The following TPPP variants were observed in gnomAD, a reference collection of about 807,000 sequenced individuals.
TPPP encodes the protein tubulin polymerization promoting protein.
In TPPP, 6 loss-of-function variants were observed where a neutral mutation model predicts 15.5. That is an observed-to-expected ratio of 0.39 (90% CI 0.21 to 0.77). The LOEUF is 0.77. TPPP is among the 30% of genes least tolerant of loss of function. The pLI, the probability that TPPP is intolerant of heterozygous loss-of-function variation, is 0.42. For missense variants in TPPP, 269 were observed against 307.2 expected (o/e 0.88, Z 0.93); for synonymous variants, 146 against 133.9 (o/e 1.09, Z -0.63).
chr5:675,056 G>A, intron 2 of TPPP, among the ~76,000 whole-genome samples: 1 of 97,626 alleles, frequency 1.0e-5, no homozygotes, highest in Non-Finnish European at 2.2e-5. Flanking sequence ...TATGGCTGGG[G>A]GTGCAGTGTG....
At chr5:699,614 C>A in the TPPP span, among the ~76,000 whole-genome samples, 1 of 151,964 alleles carries the variant, frequency 6.6e-6, no homozygotes, top group Non-Finnish European at 1.5e-5. Context: ...CAAAAATAGA[C>A]AAATGGAACT....
intron 2 of TPPP, chr5:676,485 G>A (rs1740436571): frequency 6.6e-6 from 1 of 152,282 alleles, no homozygotes; most frequent in African/African-American, 2.4e-5. Context: ...GGCCGCAGAG[G>A]GGGAAGGTGC....
In TPPP at chr5:664,941, G is replaced by A; in HGVS notation, c.*161C>T. 1.3e-6 allele frequency: 1 copy of A among 759,466 alleles called. No homozygotes were observed. The highest frequency in any genetic ancestry group is 2.1e-6 in the Non-Finnish European group (1 of 478,338). The allele number at this position is 759,466 out of a possible 1,614,324, so 47.0% of individuals were successfully genotyped here. On this transcript the variant is annotated 3_prime_UTR_variant, in exon 4 of 4. Coordinates refer to ENST00000360578, the MANE Select transcript of TPPP (RefSeq NM_007030.3). The stretch of plus-strand genomic sequence containing the variant: ...GGGGAGTGCTGGGGGCATCCGGTAG[G>A]AGGAGGGGCAGGAGGGAGGCCTGGG...
At chr5:681,656 G>A (rs371629333) in intron 1 of TPPP, among the ~76,000 whole-genome samples, 1 of 152,176 alleles carries the variant, frequency 6.6e-6, no homozygotes, top group Non-Finnish European at 1.5e-5. Context: ...CTGCTTGGAG[G>A]CTGAGCCCAC....
intron 1 of TPPP, among the ~76,000 whole-genome samples, chr5:683,375 G>A (rs1740680211): frequency 6.6e-6 from 1 of 152,192 alleles, no homozygotes; most frequent in Admixed American, 6.5e-5. Context: ...GGAGCATCAG[G>A]CACGCACGCC....
At chr5:684,517 T>C (rs445895) in intron 1 of TPPP, among the ~76,000 whole-genome samples, 72,152 of 150,990 alleles carry the variant, frequency 0.48, 18,240 homozygotes, top group South Asian at 0.57. Flanking sequence ...CAAAAGCCAC[T>C]CTCACAGCGG....
chr5:666,603 G>A (rs1056957987), intron 2 of TPPP, among the ~76,000 whole-genome samples: 3 of 151,504 alleles, frequency 2.0e-5, no homozygotes, highest in African/African-American at 4.9e-5. Flanking sequence ...GCAGGCCCAC[G>A]CCTCAGATGC....
intron 2 of TPPP, among the ~76,000 whole-genome samples, chr5:677,230 G>A (rs1171283480): frequency 2.6e-5 from 4 of 152,228 alleles, no homozygotes; most frequent in East Asian, 1.9e-4. Context: ...GGGGACACCC[G>A]AATGGCCAGC....
At chr5:683,297 T>A (rs1428592595) in intron 1 of TPPP, among the ~76,000 whole-genome samples, 1 of 114,542 alleles carries the variant, frequency 8.7e-6, no homozygotes, top group Non-Finnish European at 2.1e-5. Flanking sequence ...AGAAAGACAC[T>A]CTGATGGCAG....
At chr5:674,229 C>T (rs949522337) in intron 2 of TPPP, among the ~76,000 whole-genome samples, 1 of 152,222 alleles carries the variant, frequency 6.6e-6, no homozygotes. Context: ...AGAGGGCACC[C>T]AGGGACTCGT....
chr5:692,875 G>A, intron 1 of TPPP: 1 of 954,788 alleles, frequency 1.0e-6, no homozygotes, highest in Non-Finnish European at 1.2e-6. Context: ...CACACCGGCG[G>A]CCCCCTAGGC....
chr5:693,062 T>C (rs1740935070), intron 1 of TPPP, among the ~76,000 whole-genome samples: 1 of 145,972 alleles, frequency 6.9e-6, no homozygotes, highest in African/African-American at 2.5e-5. Flanking sequence ...TTGCAAAGCC[T>C]CCCCGTCGCG....
At chr5:676,439 G>C (rs1290594050) in intron 2 of TPPP, 3 of 152,272 alleles carry the variant, frequency 2.0e-5, no homozygotes, top group African/African-American at 7.2e-5. Context: ...CCACACAGGG[G>C]CATCTGACCC....
rs1739835286 is a variant in TPPP, at chr5:665,034, A to G, written c.*68T>C. The G allele has an allele frequency of 6.5e-7, 1 of 1,536,200 alleles. No homozygotes were observed. Among genetic ancestry groups the G allele is most frequent in the Non-Finnish European group, 8.8e-7 (1 of 1,137,994 alleles). On this transcript the variant is annotated 3_prime_UTR_variant, in exon 4 of 4. Coordinates refer to ENST00000360578, the MANE Select transcript of TPPP (RefSeq NM_007030.3). ...CTGCCCCAGTTAGTACAGGAATGTA[A>G]TGAAGTGCGAGGTGACAGAGTCCCT...
At position 663,679 on chromosome 5, in the gene TPPP, C is replaced by T. The variant is rs996106811; in HGVS notation, c.*1423G>A. ...CCAGTGAGGGAGGGGCCTCGCCACC[C>T]TCCTGTACTGTGAGCCTGGCCCTGG... is the stretch of plus-strand genomic sequence containing the variant. On this transcript the variant is annotated 3_prime_UTR_variant, in exon 4 of 4. Coordinates refer to ENST00000360578, the MANE Select transcript of TPPP (RefSeq NM_007030.3). 1.3e-5 allele frequency: 2 copies of T among 152,424 alleles called. No homozygotes were observed. The highest frequency in any genetic ancestry group is 2.9e-5 in the Non-Finnish European group (2 of 68,120). 9.4% of individuals were successfully genotyped at this position (152,424 alleles called of 1,614,324 possible). A position where few individuals can be genotyped will look rare whatever the true frequency, so the allele number is the denominator to read the frequency against.
rs181351416 is a variant in TPPP at position 672,292 on chromosome 5, C to A, written c.311+5458G>T. Among the ~76,000 whole-genome samples, 274 of 151,332 alleles carry A rather than the reference C, an allele frequency of 1.8e-3. 1 individual carries two copies. Among genetic ancestry groups the A allele is most frequent in the African/African-American group, 6.4e-3 (266 of 41,554 alleles). ...GGAGCCTGGCCCTGCTGTTCTCAGT[C>A]TCCCACTGGCCCTGGCTTCCTTCTA... On this transcript the variant is annotated intron_variant, in intron 2 of 3. Coordinates refer to ENST00000360578, the MANE Select transcript of TPPP (RefSeq NM_007030.3).
chr5:684,656 T>C (rs400873), intron 1 of TPPP, among the ~76,000 whole-genome samples: 72,578 of 151,618 alleles, frequency 0.48, 18,321 homozygotes, highest in South Asian at 0.57. Context: ...AGGAACAAGG[T>C]GGCTCAGGTC....
intron 1 of TPPP, among the ~76,000 whole-genome samples, chr5:681,836 A>G (rs1467578602): frequency 6.6e-6 from 1 of 152,238 alleles, no homozygotes; most frequent in Non-Finnish European, 1.5e-5. Context: ...AGAGTGGGGC[A>G]GGCAAAGGCA....
intron 1 of TPPP, among the ~76,000 whole-genome samples, chr5:683,277 G>A (rs536823174): frequency 5.1e-4 from 50 of 98,046 alleles, no homozygotes; most frequent in Non-Finnish European, 6.4e-4. Flanking sequence ...GGGAGAACCT[G>A]TCTCTGCGGA....
Sources: allele counts gnomAD v4.1 joint callset (sites outside exome capture counted in the v4.1 genomes callset), GRCh38; gene constraint gnomAD v4.1.1; transcripts MANE v1.5; gene names NCBI Gene and HGNC (gene_info 2026-07-23, HGNC 2026-07-21).